Variants in RASGEF1B observed in about 807,000 individuals in gnomAD.
The protein encoded by RASGEF1B is RasGEF domain family member 1B.
A neutral mutation model predicts 65.7 loss-of-function variants in RASGEF1B; 30 were observed. That is an observed-to-expected ratio of 0.46 (90% confidence interval 0.34 to 0.62). The LOEUF is 0.62. Ranked by LOEUF, RASGEF1B falls within the 20% of genes least tolerant of loss-of-function variation. The pLI is 0.01. For missense variants in RASGEF1B, 495 were observed against 580.1 expected (o/e 0.85, Z 1.51); for synonymous variants, 175 against 194.8 (o/e 0.90, Z 0.85).
chr4:81,459,451 G>A lies in RASGEF1B; in HGVS notation c.58C>T (p.Leu20Phe), dbSNP rs1459766510. The A allele has an allele frequency of 1.2e-6, 2 of 1,612,390 alleles. No homozygotes were observed. Among genetic ancestry groups the A allele is most frequent in the Admixed American group, 1.7e-5 (1 of 59,410 alleles). The part of the protein sequence containing the change: ...MFDSSGYNRN[L>F]YQSAEDSCGG... ...CAGCTGTCCTCTGCAGACTGATAGAGGTTTCGATTGTAACCACTGCTGTCA... is the reference window on the plus strand; with the variant it reads ...CAGCTGTCCTCTGCAGACTGATAGAAGTTTCGATTGTAACCACTGCTGTCA... The change falls in exon 2 of 14, where the codon CTC becomes TTC. Residue 20 changes from leucine (L) to phenylalanine (F), a missense_variant. Physicochemically the swap from Leu to Phe is conservative, Grantham distance 22 (BLOSUM62 0). Transcript: ENST00000264400.
chr4:81,430,514 G>A (rs1721394101), intron 13 of RASGEF1B, among the ~76,000 whole-genome samples: 1 of 152,188 alleles, frequency 6.6e-6, no homozygotes, highest in Non-Finnish European at 1.5e-5. Context: ...GGCTTCAAGA[G>A]CTATAAACAT....
At chr4:81,446,751 CCT>C (rs1722037441) in intron 6 of RASGEF1B, among the ~76,000 whole-genome samples, 1 of 152,136 alleles carries the variant, frequency 6.6e-6, no homozygotes, top group African/African-American at 2.4e-5. Context: ...TAATTACACC[CCT>C]CTTTCCTTCC....
intron 13 of RASGEF1B, among the ~76,000 whole-genome samples, chr4:81,430,189 T>G (rs1721376294): frequency 6.6e-6 from 1 of 152,228 alleles, no homozygotes; most frequent in African/African-American, 2.4e-5. Flanking sequence ...TAGTCCCAGC[T>G]GCTTGGGAGG....
chr4:81,436,567 T>C (rs1721639121), intron 10 of RASGEF1B, among the ~76,000 whole-genome samples: 1 of 152,198 alleles, frequency 6.6e-6, no homozygotes, highest in African/African-American at 2.4e-5. Context: ...TACAGTAATT[T>C]CCATTTTCTC....
rs777236724 is a variant in RASGEF1B, at chr4:81,448,065, T to C, written c.654+4A>G. 1.2e-6 allele frequency: 2 copies of C among 1,612,988 alleles called. No individual in the cohort carries two copies. Among genetic ancestry groups the C allele is most frequent in the Non-Finnish European group, 1.7e-6 (2 of 1,179,042 alleles). On this transcript the variant is annotated splice_donor_region_variant and intron_variant, in intron 5 of 13. Transcript: ENST00000264400. ...GTAAAGGGCAATGATGATAACGGCC[T>C]TACCAGCTCTATATGAGTCAGCTGC...
chr4:81,456,582 T>G, intron 4 of RASGEF1B, 69 bp downstream of exon 4: 1 of 1,559,720 alleles, frequency 6.4e-7, no homozygotes, highest in Non-Finnish European at 8.8e-7. Context: ...GGATGCATAA[T>G]TCGGCACCAT....
In RASGEF1B at chr4:81,426,572, ACTACT is replaced by A. The variant is rs1721228316; in HGVS notation, c.*1191_*1195del. On this transcript the variant is annotated 3_prime_UTR_variant, in exon 14 of 14. Coordinates refer to ENST00000264400, the MANE Select transcript of RASGEF1B (RefSeq NM_152545.3). ...TTTGTTTTTCTCATTAGCACGAATTACTACTCTACAGTTTCTTCTAGAGTAAATAA... is the reference window on the plus strand; with the variant it reads ...TTTGTTTTTCTCATTAGCACGAATTACTACAGTTTCTTCTAGAGTAAATAA... The A allele has an allele frequency of 1.3e-5, 2 of 152,232 alleles. No homozygotes were observed. Among genetic ancestry groups the A allele is most frequent in the Non-Finnish European group, 2.9e-5 (2 of 68,038 alleles). 9.4% of individuals were successfully genotyped at this position (152,232 alleles called of 1,614,324 possible). A position where few individuals can be genotyped will look rare whatever the true frequency, so the allele number is the denominator to read the frequency against.
At chr4:81,429,426 G>C (rs1170506968) in intron 13 of RASGEF1B, among the ~76,000 whole-genome samples, 1 of 152,146 alleles carries the variant, frequency 6.6e-6, no homozygotes, top group Non-Finnish European at 1.5e-5. Flanking sequence ...GAGGGGAAGA[G>C]CACGGTCCCT....
chr4:81,441,074 C>A, intron 9 of RASGEF1B, 145 bp from the exon 10 acceptor site: 1 of 560,078 alleles, frequency 1.8e-6, no homozygotes, highest in Non-Finnish European at 3.2e-6. Flanking sequence ...TTCTCATACA[C>A]ACAAATGCAC....
At chr4:81,467,635 T>C (rs1412284815) in intron 1 of RASGEF1B, among the ~76,000 whole-genome samples, 3 of 152,198 alleles carry the variant, frequency 2.0e-5, no homozygotes, top group Non-Finnish European at 4.4e-5. Context: ...GTAACAGTGC[T>C]GGTTTAGAAA....
At position 81,427,693 on chromosome 4, in the gene RASGEF1B, T is replaced by C. The variant is rs959055161; in HGVS notation, c.*75A>G. On this transcript the variant is annotated 3_prime_UTR_variant, in exon 14 of 14. Coordinates refer to ENST00000264400, the MANE Select transcript of RASGEF1B (RefSeq NM_152545.3). The stretch of plus-strand genomic sequence containing the variant: ...CTTCATGAGTGTTCGTGGTACGAGA[T>C]GCCAGAAAACAAAGGCCAGCCCCTC... 1.9e-6 allele frequency: 3 copies of C among 1,572,410 alleles called. No individual in the cohort carries two copies. The highest frequency in any genetic ancestry group is 1.1e-5 in the South Asian group (1 of 89,462).
intron 4 of RASGEF1B, chr4:81,456,288 T>C: frequency 1.7e-6 from 1 of 573,842 alleles, no homozygotes; most frequent in Admixed American, 3.4e-5. Flanking sequence ...TTGTATCCAC[T>C]AGTGTTTATG....
chr4:81,471,604 C>T (rs1238949682), intron 1 of RASGEF1B, among the ~76,000 whole-genome samples, 166 bp downstream of exon 1: 1 of 152,212 alleles, frequency 6.6e-6, no homozygotes, highest in African/African-American at 2.4e-5. Context: ...GGATCTCCCG[C>T]CGCCTCGGAG....
intron 9 of RASGEF1B, among the ~76,000 whole-genome samples, chr4:81,441,536 C>T (rs919482268): frequency 2.5e-4 from 37 of 148,080 alleles, no homozygotes; most frequent in Middle Eastern, 7.2e-3. Context: ...TACTCTTGCA[C>T]GCGATTTTTT....
chr4:81,441,406 G>A (rs1721831441), intron 9 of RASGEF1B, among the ~76,000 whole-genome samples: 1 of 151,950 alleles, frequency 6.6e-6, no homozygotes, highest in South Asian at 2.1e-4. Context: ...TATATATAAT[G>A]GTAATTTCCA....
intron 4 of RASGEF1B, chr4:81,455,112 C>T (rs986417195): frequency 6.6e-6 from 1 of 152,136 alleles, no homozygotes; most frequent in Non-Finnish European, 1.5e-5. Context: ...CACTTAATTC[C>T]CTCAACAATT....
chr4:81,465,710 A>G (rs935163647), intron 1 of RASGEF1B, among the ~76,000 whole-genome samples: 2 of 152,240 alleles, frequency 1.3e-5, no homozygotes, highest in Admixed American at 6.5e-5. Flanking sequence ...CTTTTGCACA[A>G]TGTTATTTAT....
chr4:81,459,915 T>C (rs1722582800), intron 1 of RASGEF1B, among the ~76,000 whole-genome samples: 1 of 152,332 alleles, frequency 6.6e-6, no homozygotes, highest in Admixed American at 6.5e-5. Flanking sequence ...CCTTAAAATT[T>C]GGTTGGGAAA....
chr4:81,447,188 C>T (rs1379877711), intron 6 of RASGEF1B, among the ~76,000 whole-genome samples: 5 of 152,120 alleles, frequency 3.3e-5, no homozygotes, highest in African/African-American at 1.2e-4. Flanking sequence ...TCTTAATCTG[C>T]TAAAACCATT....
Sources: allele counts gnomAD v4.1 joint callset (sites outside exome capture counted in the v4.1 genomes callset), GRCh38; gene constraint gnomAD v4.1.1; transcripts MANE v1.5; gene names NCBI Gene and HGNC (gene_info 2026-07-23, HGNC 2026-07-21).